Variants in NR6A1 observed in about 807,000 individuals in gnomAD.
NR6A1 encodes the protein nuclear receptor subfamily 6 group A member 1.
A neutral mutation model predicts 59.1 loss-of-function variants in NR6A1; 7 were observed. That is an observed-to-expected ratio of 0.12 (90% CI 0.07 to 0.22). The LOEUF is 0.22. NR6A1 is among the 10% of genes least tolerant of loss of function. The probability of loss-of-function intolerance (pLI) is 1.00; values close to 1 mark genes in which losing one functional copy is unlikely to be tolerated. For missense variants in NR6A1, 468 were observed against 611.6 expected (o/e 0.77, Z 2.48); for synonymous variants, 243 against 236.1 (o/e 1.03, Z -0.27).
chr9:124,745,874 C>T (rs1840316587), intron 1 of NR6A1, among the ~76,000 whole-genome samples: 1 of 148,980 alleles, frequency 6.7e-6, no homozygotes, highest in Non-Finnish European at 1.5e-5. Context: ...TTCTCCCTGC[C>T]TACTCAAGAG....
chr9:124,690,242 A>G (rs1838488006), intron 2 of NR6A1, among the ~76,000 whole-genome samples: 1 of 152,212 alleles, frequency 6.6e-6, no homozygotes, highest in South Asian at 2.1e-4. Context: ...TGCTGAAGCA[A>G]ACATGCTACT....
chr9:124,677,335 T>C (rs890364008), intron 2 of NR6A1, among the ~76,000 whole-genome samples: 2 of 152,134 alleles, frequency 1.3e-5, no homozygotes, highest in Non-Finnish European at 2.9e-5. Flanking sequence ...CTCAGCTCAC[T>C]GCAGCCTCAA....
chr9:124,719,492 C>T (rs979258143), intron 2 of NR6A1, among the ~76,000 whole-genome samples: 2 of 152,176 alleles, frequency 1.3e-5, no homozygotes, highest in Non-Finnish European at 2.9e-5. Context: ...TTTTCCCACA[C>T]TCTCATCATC....
intron 2 of NR6A1, among the ~76,000 whole-genome samples, chr9:124,716,901 T>A (rs535272042): frequency 6.6e-6 from 1 of 152,312 alleles, no homozygotes; most frequent in South Asian, 2.1e-4. Flanking sequence ...CCTCTCCAAG[T>A]GTTGATATTA....
At chr9:124,582,584 A>C (rs532682116) in intron 2 of NR6A1, among the ~76,000 whole-genome samples, 9 of 152,308 alleles carry the variant, frequency 5.9e-5, no homozygotes, top group Admixed American at 2.0e-4. Flanking sequence ...AAAGTTAAAA[A>C]AAAAAAAAGA....
intron 2 of NR6A1, among the ~76,000 whole-genome samples, chr9:124,689,781 G>A (rs978514354): frequency 1.3e-5 from 2 of 152,124 alleles, no homozygotes; most frequent in Non-Finnish European, 2.9e-5. Flanking sequence ...GCTCAAACCA[G>A]GTTAACCTAC....
At chr9:124,744,582 C>A (rs546757809) in intron 1 of NR6A1, among the ~76,000 whole-genome samples, 136 of 152,306 alleles carry the variant, frequency 8.9e-4, no homozygotes, top group Non-Finnish European at 1.8e-3. Context: ...CAAAGAGCAA[C>A]CCTGATGCTC....
chr9:124,594,003 T>TGG (rs1436962571), intron 2 of NR6A1, among the ~76,000 whole-genome samples: 2 of 152,232 alleles, frequency 1.3e-5, no homozygotes, highest in Non-Finnish European at 2.9e-5. Flanking sequence ...CTCTGTGAAC[T>TGG]AAAACAAAAC....
At chr9:124,704,676 A>T (rs749061501) in intron 2 of NR6A1, among the ~76,000 whole-genome samples, 1 of 152,052 alleles carries the variant, frequency 6.6e-6, no homozygotes, top group East Asian at 1.9e-4. Flanking sequence ...ATCTTCCTCT[A>T]AGCACAGCTT....
chr9:124,536,804 C>G (rs1194978772), intron 6 of NR6A1, among the ~76,000 whole-genome samples: 1 of 152,204 alleles, frequency 6.6e-6, no homozygotes, highest in Non-Finnish European at 1.5e-5. Flanking sequence ...TGGGGTGGAT[C>G]TGATGCCCAC....
intron 2 of NR6A1, among the ~76,000 whole-genome samples, chr9:124,723,684 C>T (rs1839629943): frequency 6.6e-6 from 1 of 152,244 alleles, no homozygotes; most frequent in South Asian, 2.1e-4. Flanking sequence ...GAACAGTATA[C>T]ACTTAATAGT....
intron 1 of NR6A1, among the ~76,000 whole-genome samples, chr9:124,751,780 A>T (rs955422231): frequency 6.6e-6 from 1 of 152,220 alleles, no homozygotes; most frequent in African/African-American, 2.4e-5. Context: ...GAAAATTACC[A>T]TAACTGGAAT....
chr9:124,708,865 T>C (rs775711838), intron 2 of NR6A1, among the ~76,000 whole-genome samples: 11 of 152,190 alleles, frequency 7.2e-5, no homozygotes, highest in Admixed American at 2.0e-4. Context: ...CCCATCAGCA[T>C]GCCTTGATGG....
At chr9:124,755,605 T>C (rs1253819869) in intron 1 of NR6A1, among the ~76,000 whole-genome samples, 4 of 152,194 alleles carry the variant, frequency 2.6e-5, no homozygotes, top group Non-Finnish European at 4.4e-5. Context: ...ATAGCAACAA[T>C]GTCAAGGTCC....
chr9:124,769,156 T>C (rs1841029984), intron 1 of NR6A1, among the ~76,000 whole-genome samples: 1 of 152,118 alleles, frequency 6.6e-6, no homozygotes, highest in South Asian at 2.1e-4. Context: ...GACACGGAAT[T>C]TTATTGATCT....
intron 3 of NR6A1, among the ~76,000 whole-genome samples, chr9:124,545,753 C>T (rs1414160839): frequency 6.6e-6 from 1 of 152,182 alleles, no homozygotes; most frequent in African/African-American, 2.4e-5. Flanking sequence ...AAGCAACATA[C>T]TTTACTTTTC....
At chr9:124,673,426 G>A (rs1837854654) in intron 2 of NR6A1, among the ~76,000 whole-genome samples, 1 of 151,682 alleles carries the variant, frequency 6.6e-6, no homozygotes, top group Non-Finnish European at 1.5e-5. Context: ...TATCTCAGGT[G>A]GTAAAGAAAA....
rs566172412 is a variant in NR6A1, at chr9:124,733,808, C to T, written c.101-459G>A. ...ACAACAATATCAGACAGTGTAATAT[C>T]ATGTAAATTTTTCACAAATGCTGAA... On this transcript the variant is annotated intron_variant, in intron 1 of 9. Transcript: ENST00000487099. Among the ~76,000 whole-genome samples the T allele has an allele frequency of 6.0e-4, 91 of 152,266 alleles. 1 individual carries two copies. In the South Asian group the frequency reaches 0.018, roughly 31 times the overall value.
chr9:124,699,459 G>A (rs939770857), intron 2 of NR6A1, among the ~76,000 whole-genome samples: 1 of 152,192 alleles, frequency 6.6e-6, no homozygotes, highest in Admixed American at 6.5e-5. Context: ...ACTCTGTAGT[G>A]GGGTAGGACA....
Sources: allele counts gnomAD v4.1 joint callset (sites outside exome capture counted in the v4.1 genomes callset), GRCh38; gene constraint gnomAD v4.1.1; transcripts MANE v1.5; gene names NCBI Gene and HGNC (gene_info 2026-07-23, HGNC 2026-07-21).